Variants in MYO1B observed in about 807,000 individuals in gnomAD.
MYO1B encodes myosin IB, also known as unconventional myosin-Ib.
Under a neutral mutation model 159.7 loss-of-function variants are expected in MYO1B, and 72 were observed. That is an observed-to-expected ratio of 0.45 (90% CI 0.37 to 0.55). MYO1B has a LOEUF of 0.55. Ranked by LOEUF, MYO1B falls within the 20% of genes least tolerant of loss-of-function variation. The pLI, the probability that MYO1B is intolerant of heterozygous loss-of-function variation, is 0.00. For synonymous variants in MYO1B, 468 were observed against 473.8 expected (o/e 0.99, Z 0.16); for missense variants, 1,062 against 1,364.8 (o/e 0.78, Z 3.50).
In MYO1B at chr2:191,300,126, G is replaced by C. The variant is rs138403630; in HGVS notation, c.251+3900G>C. Among the ~76,000 whole-genome samples, 23 of 152,172 alleles carry C rather than the reference G, an allele frequency of 1.5e-4. No homozygotes were observed. The East Asian group carries it at 4.2e-3, about 28-fold the overall frequency. On this transcript the variant is annotated intron_variant, in intron 3 of 30. Transcript: ENST00000392318. ...TTGAAACAGGGTCAATGCTAACTTG[G>C]TTCCCTACTAAAACAGCCTGGCATT...
chr2:191,282,376 CATG>C (rs1476174186), intron 2 of MYO1B, among the ~76,000 whole-genome samples: 2 of 152,316 alleles, frequency 1.3e-5, no homozygotes, highest in African/African-American at 2.4e-5. Flanking sequence ...TTTGCAGGCT[CATG>C]GTGGTGGTGG....
intron 3 of MYO1B, among the ~76,000 whole-genome samples, chr2:191,325,762 A>G (rs957090800): frequency 6.6e-6 from 1 of 152,206 alleles, no homozygotes; most frequent in Admixed American, 6.5e-5. Flanking sequence ...AACACTCTGA[A>G]CAGAAATAAG....
chr2:191,369,890 G>A (rs1425374203), intron 12 of MYO1B, among the ~76,000 whole-genome samples: 1 of 152,076 alleles, frequency 6.6e-6, no homozygotes, highest in Non-Finnish European at 1.5e-5. Context: ...CCAGGTTTTG[G>A]CCTGGCTCAC....
chr2:191,335,128 A>T (rs1407558197), intron 4 of MYO1B, among the ~76,000 whole-genome samples: 1 of 152,140 alleles, frequency 6.6e-6, no homozygotes, highest in African/African-American at 2.4e-5. Flanking sequence ...TGTTATCACT[A>T]AGACGCCTGG....
chr2:191,261,725 T>C (rs1383792390), intron 1 of MYO1B, among the ~76,000 whole-genome samples: 2 of 152,176 alleles, frequency 1.3e-5, no homozygotes, highest in Non-Finnish European at 2.9e-5. Flanking sequence ...CACTTCACTT[T>C]CCAGGGCTCT....
At chr2:191,249,963 C>A (rs1686016270) in intron 1 of MYO1B, among the ~76,000 whole-genome samples, 1 of 152,218 alleles carries the variant, frequency 6.6e-6, no homozygotes, top group Non-Finnish European at 1.5e-5. Context: ...TGCTTCCCAG[C>A]ATTACACTCT....
chr2:191,293,562 TC>T (rs1688806606), intron 2 of MYO1B, among the ~76,000 whole-genome samples: 4 of 152,204 alleles, frequency 2.6e-5, no homozygotes, highest in Admixed American at 2.6e-4. Flanking sequence ...TATTCATGCC[TC>T]CCCTTTTCAG....
At chr2:191,271,745 T>TA (rs1449518368) in intron 1 of MYO1B, among the ~76,000 whole-genome samples, 11 of 152,260 alleles carry the variant, frequency 7.2e-5, no homozygotes, top group African/African-American at 2.7e-4. Flanking sequence ...CATCTCCTCT[T>TA]AGTTATTATT....
At chr2:191,340,232 G>C (rs929238937) in intron 4 of MYO1B, among the ~76,000 whole-genome samples, 9 of 151,910 alleles carry the variant, frequency 5.9e-5, no homozygotes, top group Middle Eastern at 3.4e-3. Context: ...AAATAAATTA[G>C]GGAAACAGCA....
chr2:191,368,308 A>G (rs1227751650), intron 11 of MYO1B, among the ~76,000 whole-genome samples: 1 of 152,228 alleles, frequency 6.6e-6, no homozygotes, highest in Non-Finnish European at 1.5e-5. Flanking sequence ...GCAGCAAAAT[A>G]CACACATACG....
chr2:191,421,992 T>C (rs1286464610), intron 30 of MYO1B, among the ~76,000 whole-genome samples: 1 of 152,240 alleles, frequency 6.6e-6, no homozygotes, highest in Admixed American at 6.5e-5. Flanking sequence ...AGCACTATCC[T>C]TATAAAACAA....
intron 5 of MYO1B, among the ~76,000 whole-genome samples, chr2:191,345,797 T>G (rs1162042717): frequency 6.6e-6 from 1 of 152,204 alleles, no homozygotes; most frequent in Non-Finnish European, 1.5e-5. Flanking sequence ...AATTTAAAGG[T>G]TCACATGCCA....
intron 2 of MYO1B, among the ~76,000 whole-genome samples, chr2:191,293,225 A>G (rs1264947389): frequency 6.6e-6 from 1 of 152,228 alleles, no homozygotes; most frequent in African/African-American, 2.4e-5. Flanking sequence ...GAGTGGAGAA[A>G]AAAACTCTAT....
At chr2:191,419,443 C>T (rs1286400812) in intron 30 of MYO1B, among the ~76,000 whole-genome samples, 4 of 152,198 alleles carry the variant, frequency 2.6e-5, no homozygotes, top group Non-Finnish European at 5.9e-5. Context: ...TGGTCTCGAT[C>T]TCCTGACCTT....
At chr2:191,270,102 G>C (rs370206457) in intron 1 of MYO1B, among the ~76,000 whole-genome samples, 1 of 152,140 alleles carries the variant, frequency 6.6e-6, no homozygotes, top group East Asian at 1.9e-4. Flanking sequence ...TTTAAAAGTG[G>C]TGGGGGCATT....
intron 30 of MYO1B, among the ~76,000 whole-genome samples, chr2:191,418,647 G>A (rs1472977604): frequency 2.6e-5 from 4 of 151,890 alleles, no homozygotes; most frequent in Admixed American, 6.6e-5. Flanking sequence ...GCACCACCAC[G>A]CCTGGCTAAT....
chr2:191,410,857 A>G (rs73980706), intron 26 of MYO1B, among the ~76,000 whole-genome samples: 2,403 of 152,330 alleles, frequency 0.016, 64 homozygotes, highest in African/African-American at 0.054. Flanking sequence ...GAAGCATTCC[A>G]GGTTCTGCAA....
At chr2:191,372,718 C>T (rs1694436656) in intron 13 of MYO1B, among the ~76,000 whole-genome samples, 1 of 152,028 alleles carries the variant, frequency 6.6e-6, no homozygotes. Flanking sequence ...TACCCTATAC[C>T]CTTCAGCAAT....
chr2:191,405,830 T>C (rs986582514), intron 24 of MYO1B, among the ~76,000 whole-genome samples: 12 of 152,386 alleles, frequency 7.9e-5, no homozygotes, highest in African/African-American at 2.9e-4. Context: ...TTTAGCATAA[T>C]TCCTAAGCTG....
Sources: gnomAD v4.1 joint callset for allele counts (sites outside exome capture counted in the v4.1 genomes callset) on GRCh38, gnomAD v4.1.1 for gene constraint, MANE v1.5 for transcripts, NCBI Gene and HGNC (gene_info 2026-07-23, HGNC 2026-07-21) for gene names.